The following DACT2 variants were observed in gnomAD, a reference collection of about 807,000 sequenced individuals.
The protein encoded by DACT2 is dapper homolog 2.
Under a neutral mutation model 22.2 loss-of-function variants are expected in DACT2, and 20 were observed. The observed-to-expected ratio is 0.90, with a 90% confidence interval of 0.63 to 1.31. The LOEUF is 1.31. Among genes scored for constraint, DACT2 ranks in the 50% most tolerant of loss-of-function variants. The pLI is 0.00. For synonymous variants in DACT2, 463 were observed against 479.8 expected (o/e 0.96, Z 0.46); for missense variants, 1,048 against 1,061.4 (o/e 0.99, Z 0.18).
At chr6:168,305,913 C>T (rs1010474894), downstream of DACT2, among the ~76,000 whole-genome samples, 2 of 152,094 alleles carry the variant, frequency 1.3e-5, no homozygotes, top group African/African-American at 4.8e-5. Flanking sequence ...AAATTGCACA[C>T]AGACGAGCTC....
At chr6:168,301,346 C>T (rs1032005090) in intron 3 of DACT2, among the ~76,000 whole-genome samples, 2 of 152,196 alleles carry the variant, frequency 1.3e-5, no homozygotes, top group African/African-American at 2.4e-5. Flanking sequence ...TCTGAGGAAC[C>T]GAACACACAA....
At chr6:168,297,864 C>A (rs925561467) in intron 3 of DACT2, among the ~76,000 whole-genome samples, 10 of 152,370 alleles carry the variant, frequency 6.6e-5, no homozygotes, top group Admixed American at 5.2e-4. Context: ...AAGGGCAGCA[C>A]GGGGCAGACA....
At chr6:168,297,527 C>G (rs528002538) in intron 3 of DACT2, among the ~76,000 whole-genome samples, 2 of 152,308 alleles carry the variant, frequency 1.3e-5, no homozygotes, top group East Asian at 1.9e-4. Flanking sequence ...CAGCTTCTTC[C>G]CTAGAACCTC....
chr6:168,308,942 A>G lies in DACT2; in HGVS notation c.815T>C (p.Val272Ala). 1 of 1,548,354 alleles carries G rather than the reference A, an allele frequency of 6.5e-7. No homozygotes were observed. The change falls in exon 4 of 4, where the codon GTG becomes GCG. Residue 272 changes from valine to alanine, a missense_variant. Physicochemically the swap from Val to Ala is moderately conservative, Grantham distance 64. Coordinates refer to ENST00000366795, the MANE Select transcript of DACT2 (RefSeq NM_214462.5). The part of the protein sequence containing the change: ...QDLVSQGGRE[V>A]YPYPSPLHAV... ...GTGCAGGGGGCTGGGGTACGGGTAC[A>G]CCTCCCTGCCGCCCTGGGACACCAG... is the stretch of plus-strand genomic sequence containing the variant.
intron 2 of DACT2, 31 bp from the exon 3 acceptor site, chr6:168,310,477 C>T: frequency 6.5e-7 from 1 of 1,531,284 alleles, no homozygotes; most frequent in South Asian, 1.2e-5. Flanking sequence ...AGGTCAGTGA[C>T]CCCCATCCAG....
chr6:168,309,130 C>T (rs1779321995), intron 3 of DACT2, 32 bp from the exon 4 acceptor site: 2 of 1,480,200 alleles, frequency 1.4e-6, no homozygotes, highest in African/African-American at 1.4e-5. Context: ...AAACACGTAA[C>T]TACGGAGACG....
At chr6:168,319,117 G>A (rs758473846) in intron 1 of DACT2, among the ~76,000 whole-genome samples, 18 of 152,172 alleles carry the variant, frequency 1.2e-4, no homozygotes, top group Non-Finnish European at 2.4e-4. Flanking sequence ...ATGCTGGCGT[G>A]GGTAGGCGCA....
exon 4 of DACT2, chr6:168,294,645 T>G (rs1190209934): frequency 6.8e-7 from 1 of 1,472,314 alleles, no homozygotes; most frequent in Non-Finnish European, 8.9e-7. Context: ...GTCAGTGAAC[T>G]GGAGGTGCAG....
At chr6:168,305,678 G>C (rs181975522), downstream of DACT2, among the ~76,000 whole-genome samples, 1 of 152,158 alleles carries the variant, frequency 6.6e-6, no homozygotes, top group Non-Finnish European at 1.5e-5. Context: ...CTCAGGCTAC[G>C]GGGCTGTCGT....
chr6:168,308,348 C>T lies in DACT2; in HGVS notation c.1409G>A (p.Ser470Asn). The stretch of plus-strand genomic sequence containing the variant: ...AAAGTGCCCAGAGGCCGGTGAGGGG[C>T]TCTTGTCCAGCATCCTGGATGGGGA... Reference protein sequence around the residue: ...IISPSRMLDKSPSPASGHFAH... With the variant: ...IISPSRMLDKNPSPASGHFAH... The change falls in exon 4 of 4, where the codon AGC becomes AAC. Residue 470 changes from serine to asparagine, a missense_variant. Coordinates refer to ENST00000366795, the MANE Select transcript of DACT2 (RefSeq NM_214462.5). 6.4e-7 allele frequency: 1 copy of T among 1,551,990 alleles called. No homozygotes were observed. The highest frequency in any genetic ancestry group is 8.7e-7 in the Non-Finnish European group (1 of 1,147,046).
At chr6:168,295,603 A>G (rs2114891389) in intron 3 of DACT2, among the ~76,000 whole-genome samples, 1 of 152,384 alleles carries the variant, frequency 6.6e-6, no homozygotes, top group East Asian at 1.9e-4. Flanking sequence ...ACTGAGGTGC[A>G]TAGAATAGAA....
chr6:168,300,585 G>C (rs1779085547), intron 3 of DACT2: 2 of 152,116 alleles, frequency 1.3e-5, no homozygotes, highest in Admixed American at 1.3e-4. Context: ...CCCTTGCTTA[G>C]GAGACTGTAG....
intron 3 of DACT2, among the ~76,000 whole-genome samples, chr6:168,309,701 A>C (rs1378849927): frequency 6.6e-6 from 1 of 152,216 alleles, no homozygotes; most frequent in Non-Finnish European, 1.5e-5. Context: ...GAAAAGACCA[A>C]ATGGTTATTA....
At chr6:168,314,020 AACCCCGACCG>A (rs1779487956) in intron 1 of DACT2, among the ~76,000 whole-genome samples, 1 of 131,796 alleles carries the variant, frequency 7.6e-6, no homozygotes, top group Admixed American at 7.7e-5. Flanking sequence ...CCGCGCTTGT[AACCCCGACCG>A]CTGTCCCGAA....
At chr6:168,299,863 C>G (rs1779074245) in intron 3 of DACT2, 1 of 152,350 alleles carries the variant, frequency 6.6e-6, no homozygotes, top group Non-Finnish European at 1.5e-5. Context: ...CCCTAGAGCA[C>G]CAGCCCACCT....
chr6:168,307,400 C>T lies in DACT2; in HGVS notation c.*32G>A. 1.3e-6 allele frequency: 2 copies of T among 1,549,974 alleles called. No homozygotes were observed. The highest frequency in any genetic ancestry group is 1.7e-6 in the Non-Finnish European group (2 of 1,146,302). On this transcript the variant is annotated 3_prime_UTR_variant, in exon 4 of 4. Coordinates refer to ENST00000366795, the MANE Select transcript of DACT2 (RefSeq NM_214462.5). This position sits in a 1 kb window ranked among gnomAD's most constrained non-coding sequence, Gnocchi z 5.3. ...ACTGCATGGAAAGGGCCCCTGTGTGCAGCAGGCTTCTCTTGACGCAGTCAC... is the reference window on the plus strand; with the variant it reads ...ACTGCATGGAAAGGGCCCCTGTGTGTAGCAGGCTTCTCTTGACGCAGTCAC...
intron 3 of DACT2, chr6:168,299,662 T>G (rs1044493592): frequency 1.3e-5 from 2 of 152,238 alleles, no homozygotes; most frequent in Admixed American, 6.5e-5. Context: ...AGGCCGCTCA[T>G]GCAAAACACG....
chr6:168,315,368 A>T (rs1378856982), intron 1 of DACT2, among the ~76,000 whole-genome samples: 1 of 152,074 alleles, frequency 6.6e-6, no homozygotes, highest in Non-Finnish European at 1.5e-5. Flanking sequence ...TGAATATGGG[A>T]ATGGCCGGCA....
At chr6:168,312,065 C>T (rs1270335400) in intron 1 of DACT2, among the ~76,000 whole-genome samples, 1 of 152,184 alleles carries the variant, frequency 6.6e-6, no homozygotes, top group African/African-American at 2.4e-5. Flanking sequence ...CTTCTCCTTC[C>T]CTGATAGAAG....
Sources: allele counts gnomAD v4.1 joint callset (sites outside exome capture counted in the v4.1 genomes callset), GRCh38; gene constraint gnomAD v4.1.1; non-coding constraint Gnocchi (gnomAD v3.1); transcripts MANE v1.5; gene names NCBI Gene and HGNC (gene_info 2026-07-23, HGNC 2026-07-21).